The following PRDM6 variants were observed in gnomAD, a reference collection of about 807,000 sequenced individuals.
The protein encoded by PRDM6 is putative histone-lysine N-methyltransferase PRDM6.
A neutral mutation model predicts 60.8 loss-of-function variants in PRDM6; 25 were observed. That is an observed-to-expected ratio of 0.41 (90% CI 0.30 to 0.57). PRDM6 has a LOEUF of 0.57. Ranked by LOEUF, PRDM6 falls within the 20% of genes least tolerant of loss-of-function variation. The pLI, the probability that PRDM6 is intolerant of heterozygous loss-of-function variation, is 0.27. For missense variants in PRDM6, 839 were observed against 821.3 expected, an observed-to-expected ratio of 1.02 and a Z score of -0.26; for synonymous variants, 407 against 357.4, an observed-to-expected ratio of 1.14 and a Z score of -1.57.
intron 5 of PRDM6, among the ~76,000 whole-genome samples, chr5:123,161,645 A>G (rs147573140): frequency 6.6e-6 from 1 of 152,300 alleles, no homozygotes; most frequent in East Asian, 1.9e-4. Flanking sequence ...AGAGCATCAC[A>G]GAGGTCAGCA....
In PRDM6 at chr5:123,189,030, T is replaced by G. The variant is rs1265914081; in HGVS notation, c.*1829T>G. The G allele has an allele frequency of 6.6e-6, 1 of 152,220 alleles. No homozygotes were observed. The highest frequency in any genetic ancestry group is 1.5e-5 in the Non-Finnish European group (1 of 68,048). The allele number at this position is 152,220 out of a possible 1,614,324, so 9.4% of individuals were successfully genotyped here. A position where few individuals can be genotyped will look rare whatever the true frequency, so the allele number is the denominator to read the frequency against. On this transcript the variant is annotated 3_prime_UTR_variant, in exon 8 of 8. Coordinates refer to ENST00000407847, the MANE Select transcript of PRDM6 (RefSeq NM_001136239.4). ...TCAAGCCATTCACCTAGAATTTTCC[T>G]CCAGTTCTTACTATCTCCTGGTCAT... is the stretch of plus-strand genomic sequence containing the variant.
At chr5:123,101,685 A>G (rs1203418971) in intron 3 of PRDM6, among the ~76,000 whole-genome samples, 3 of 152,176 alleles carry the variant, frequency 2.0e-5, no homozygotes, top group Non-Finnish European at 4.4e-5. Context: ...GTGCCAGGGG[A>G]CAAAGACATA....
chr5:123,119,475 T>G (rs1764532220), intron 3 of PRDM6, among the ~76,000 whole-genome samples: 1 of 152,136 alleles, frequency 6.6e-6, no homozygotes, highest in South Asian at 2.1e-4. Context: ...TCAGGGCGGC[T>G]CTGTGGCTTC....
chr5:123,100,716 A>G (rs1421450631), intron 3 of PRDM6, among the ~76,000 whole-genome samples: 2 of 152,238 alleles, frequency 1.3e-5, no homozygotes, highest in Non-Finnish European at 2.9e-5. Flanking sequence ...TTAATGGCAC[A>G]ATCTTACCTG....
chr5:123,110,415 C>T (rs1265906723), intron 3 of PRDM6, among the ~76,000 whole-genome samples: 1 of 151,220 alleles, frequency 6.6e-6, no homozygotes, highest in Non-Finnish European at 1.5e-5. Flanking sequence ...GCTGCCACCA[C>T]GCCTGGTTAA....
rs147290612 is a variant in PRDM6, at chr5:123,186,424, C to T, written c.1674-663C>T. Among the ~76,000 whole-genome samples, 828 of 152,290 alleles carry T rather than the reference C, an allele frequency of 5.4e-3. 7 individuals are homozygous for T. Among genetic ancestry groups the T allele is most frequent in the African/African-American group, 0.019 (792 of 41,542 alleles). On this transcript the variant is annotated intron_variant, in intron 7 of 7. Transcript: ENST00000407847. ...GATAAATCTTGAAGTGTGACATTTTCTCCTCATCAGACACACTGCCCTTAA... is the reference window on the plus strand; with the variant it reads ...GATAAATCTTGAAGTGTGACATTTTTTCCTCATCAGACACACTGCCCTTAA...
intron 3 of PRDM6, among the ~76,000 whole-genome samples, chr5:123,103,923 C>T (rs1282041104): frequency 2.0e-5 from 3 of 152,044 alleles, no homozygotes; most frequent in Admixed American, 6.6e-5. Context: ...AATGTAGTGA[C>T]TTGTTAGTAA....
At chr5:123,176,572 A>C (rs555581583) in intron 6 of PRDM6, among the ~76,000 whole-genome samples, 1 of 152,064 alleles carries the variant, frequency 6.6e-6, no homozygotes, top group African/African-American at 2.4e-5. Flanking sequence ...TTAGCTGGGC[A>C]TGGTGGCACG....
intron 5 of PRDM6, among the ~76,000 whole-genome samples, chr5:123,161,457 C>T (rs749380255): frequency 6.6e-6 from 1 of 151,966 alleles, no homozygotes; most frequent in African/African-American, 2.4e-5. Context: ...TAAAGAGGTG[C>T]CAGGAGTTGG....
In PRDM6 at chr5:123,090,284, C is replaced by G; in HGVS notation, c.270C>G (p.Ala90=). 6.7e-7 allele frequency: 1 copy of G among 1,488,828 alleles called. No individual in the cohort carries two copies. Among genetic ancestry groups the G allele is most frequent in the Non-Finnish European group, 8.9e-7 (1 of 1,120,198 alleles). 92.2% of individuals were successfully genotyped at this position (1,488,828 alleles called of 1,614,324 possible). A position where few individuals can be genotyped will look rare whatever the true frequency, so the allele number is the denominator to read the frequency against. ...SSTPASSSTS[A]SSASSCAAAA... Reference sequence around the variant, plus strand: ...CGCCGGCTTCCTCTTCCACCTCCGCCTCCTCCGCCTCCTCCTGCGCTGCTG... The same window carrying G: ...CGCCGGCTTCCTCTTCCACCTCCGCGTCCTCCGCCTCCTCCTGCGCTGCTG... The change falls in exon 2 of 8, where the codon GCC becomes GCG. Residue 90 remains alanine (A), a synonymous_variant. Transcript: ENST00000407847.
At chr5:123,114,632 G>T (rs1270554385) in intron 3 of PRDM6, among the ~76,000 whole-genome samples, 2 of 152,158 alleles carry the variant, frequency 1.3e-5, no homozygotes. Context: ...ATTTTTGTAT[G>T]CTAAATTTGA....
rs1423708756 is a variant in PRDM6, at chr5:123,191,793, T to A, written c.*4592T>A. On this transcript the variant is annotated 3_prime_UTR_variant, in exon 8 of 8. Coordinates refer to ENST00000407847, the MANE Select transcript of PRDM6 (RefSeq NM_001136239.4). ...GCACCTATTTCAGCCCTCCCCAAGA[T>A]TGCATTCTACAAACCCAGAGATCAG... The A allele has an allele frequency of 6.6e-6, 1 of 152,116 alleles. No homozygotes were observed. The highest frequency in any genetic ancestry group is 1.9e-4 in the East Asian group (1 of 5,182). 9.4% of individuals were successfully genotyped at this position (152,116 alleles called of 1,614,324 possible).
At chr5:123,177,006 G>A (rs1194630327) in intron 6 of PRDM6, among the ~76,000 whole-genome samples, 4 of 152,180 alleles carry the variant, frequency 2.6e-5, no homozygotes, top group Non-Finnish European at 5.9e-5. Flanking sequence ...ATTGAAAGAC[G>A]TGGAGTTAGG....
At position 123,090,513 on chromosome 5, in the gene PRDM6, C is replaced by T; in HGVS notation, c.499C>T (p.Arg167Cys). Residue 167 changes from arginine to cysteine, a missense_variant, in exon 2 of 8, where the codon CGC becomes TGC. Arg to Cys is a radical substitution (Grantham distance 180, BLOSUM62 -3). Around this residue, in one of 2 missense-constraint regions of PRDM6, gnomAD observed 730 missense variants for 648.8 expected, o/e 1.13. Transcript: ENST00000407847. ...GGEGRGAPRF[R>C]CSAEELDYYL... Reference sequence around the variant, plus strand: ...GGAGGGTCGCGGCGCCCCGCGCTTCCGCTGCAGCGCAGAGGAGCTGGACTA... The same window carrying T: ...GGAGGGTCGCGGCGCCCCGCGCTTCTGCTGCAGCGCAGAGGAGCTGGACTA... The T allele has an allele frequency of 6.7e-7, 1 of 1,492,654 alleles. No homozygotes were observed. 92.5% of individuals were successfully genotyped at this position (1,492,654 alleles called of 1,614,324 possible).
intron 3 of PRDM6, among the ~76,000 whole-genome samples, chr5:123,105,762 A>G (rs1317169555): frequency 6.6e-6 from 1 of 152,250 alleles, no homozygotes; most frequent in East Asian, 1.9e-4. Context: ...TTGTATATTT[A>G]CACAGGAAAT....
rs552501868 is a variant in PRDM6 at position 123,172,425 on chromosome 5, C to T, written c.1496+1317C>T. 4.6e-5 allele frequency among the ~76,000 whole-genome samples: 7 copies of T among 152,146 alleles called. No individual in the cohort carries two copies. The East Asian group carries it at 7.7e-4, about 17-fold the overall frequency. ...ACAATCTTTATTTTCAATAGGCGAG[C>T]CCCCTGGTGAGAGTATCAACAGACT... On this transcript the variant is annotated intron_variant, in intron 6 of 7. Transcript: ENST00000407847.
rs552422083 is a variant in PRDM6 at position 123,181,246 on chromosome 5, C to T, written c.1673+923C>T. 2.0e-5 allele frequency among the ~76,000 whole-genome samples: 3 copies of T among 152,312 alleles called. No homozygotes were observed. In the East Asian group the frequency reaches 5.8e-4, roughly 29 times the overall value. The stretch of plus-strand genomic sequence containing the variant: ...TCCTTTTCTCCATCTTTGAAAACCT[C>T]ATAGTCTAAGGGGAAGCCCAATTAG... On this transcript the variant is annotated intron_variant, in intron 7 of 7. Coordinates refer to ENST00000407847, the MANE Select transcript of PRDM6 (RefSeq NM_001136239.4).
intron 3 of PRDM6, among the ~76,000 whole-genome samples, chr5:123,121,770 A>G (rs1210009670): frequency 6.6e-6 from 1 of 152,096 alleles, no homozygotes; most frequent in Non-Finnish European, 1.5e-5. Flanking sequence ...TGTTTCAATA[A>G]CAATAAAAAC....
In PRDM6 at chr5:123,192,800, G is replaced by A. The variant is rs1766457525; in HGVS notation, c.*5599G>A. 6.6e-6 allele frequency: 1 copy of A among 152,200 alleles called. No homozygotes were observed. The highest frequency in any genetic ancestry group is 2.4e-5 in the African/African-American group (1 of 41,442). The allele number at this position is 152,200 out of a possible 1,614,324, so 9.4% of individuals were successfully genotyped here. On this transcript the variant is annotated 3_prime_UTR_variant, in exon 8 of 8. Coordinates refer to ENST00000407847, the MANE Select transcript of PRDM6 (RefSeq NM_001136239.4). Reference sequence around the variant, plus strand: ...TCTTTGTTCTGACTGAATGCTAAGTGAGTTACTTTCCAGGCATCAATGGAG... The same window carrying A: ...TCTTTGTTCTGACTGAATGCTAAGTAAGTTACTTTCCAGGCATCAATGGAG...
Sources: allele counts gnomAD v4.1 joint callset (sites outside exome capture counted in the v4.1 genomes callset), GRCh38; gene constraint gnomAD v4.1.1; regional missense constraint gnomAD v4.1.1; transcripts MANE v1.5; gene names NCBI Gene and HGNC (gene_info 2026-07-23, HGNC 2026-07-21).